The following AFF3 variants were observed in gnomAD, a reference collection of about 807,000 sequenced individuals.
The protein encoded by AFF3 is ALF transcription elongation factor 3.
A neutral mutation model predicts 129.7 loss-of-function variants in AFF3; 32 were observed. That is an observed-to-expected ratio of 0.25 (90% CI 0.19 to 0.33). The LOEUF (loss-of-function observed/expected upper bound fraction) is 0.33, where lower values mean the gene tolerates loss of function less well. Among genes scored for constraint, AFF3 ranks in the 10% least tolerant of loss-of-function variants. The pLI is 1.00. For missense variants in AFF3, 1,373 were observed against 1,592.0 expected, an observed-to-expected ratio of 0.86 and a Z score of 2.34; for synonymous variants, 644 against 635.4, an observed-to-expected ratio of 1.01 and a Z score of -0.20.
chr2:99,592,937 C>T (rs1211848104), intron 15 of AFF3, among the ~76,000 whole-genome samples: 1 of 88,432 alleles, frequency 1.1e-5, no homozygotes. Context: ...CTCCCTCCCC[C>T]CCCCCCAAAA....
intron 7 of AFF3, among the ~76,000 whole-genome samples, chr2:99,998,922 T>C (rs1681120454): frequency 3.3e-5 from 5 of 152,158 alleles, no homozygotes; most frequent in Admixed American, 3.3e-4. Context: ...TAAAACCTAG[T>C]TCATGTGGCA....
At chr2:99,809,489 A>T (rs555477025) in intron 8 of AFF3, among the ~76,000 whole-genome samples, 4 of 152,214 alleles carry the variant, frequency 2.6e-5, no homozygotes, top group Non-Finnish European at 4.4e-5. Flanking sequence ...AATAGATTCA[A>T]TGGGATTAGG....
At chr2:99,885,327 T>A (rs1169121494) in intron 7 of AFF3, among the ~76,000 whole-genome samples, 1 of 152,200 alleles carries the variant, frequency 6.6e-6, no homozygotes, top group African/African-American at 2.4e-5. Flanking sequence ...CCACACTGTC[T>A]TGCTTGATAT....
At chr2:99,980,186 G>A (rs1679275770) in intron 7 of AFF3, among the ~76,000 whole-genome samples, 1 of 152,114 alleles carries the variant, frequency 6.6e-6, no homozygotes, top group Non-Finnish European at 1.5e-5. Flanking sequence ...CATCAGTTGT[G>A]GAAACAAATA....
intron 12 of AFF3, among the ~76,000 whole-genome samples, chr2:99,656,974 C>T (rs1248437420): frequency 1.3e-5 from 2 of 152,102 alleles, no homozygotes; most frequent in African/African-American, 4.8e-5. Context: ...AAAGGGGATG[C>T]TAACCAGACT....
chr2:99,829,430 G>A (rs1378857641), intron 8 of AFF3, among the ~76,000 whole-genome samples: 3 of 152,038 alleles, frequency 2.0e-5, no homozygotes, highest in South Asian at 2.1e-4. Context: ...GAACTGAAAC[G>A]TATTTACAAG....
chr2:99,678,966 C>A (rs1404180), intron 11 of AFF3, among the ~76,000 whole-genome samples: 1 of 152,158 alleles, frequency 6.6e-6, no homozygotes. Context: ...AGCGTTTGTT[C>A]GGAAGAACTT....
At chr2:99,969,893 A>G (rs1386282742) in intron 7 of AFF3, among the ~76,000 whole-genome samples, 1 of 152,154 alleles carries the variant, frequency 6.6e-6, no homozygotes, top group Non-Finnish European at 1.5e-5. Context: ...TATCTTTTAT[A>G]ATTAGAACTT....
At chr2:99,565,658 C>T in intron 19 of AFF3, 35 bp from the exon 20 acceptor site, 2 of 1,588,434 alleles carry the variant, frequency 1.3e-6, no homozygotes, top group African/African-American at 1.3e-5. Context: ...TCTTCCTAAA[C>T]AATAGTTTTT....
intron 7 of AFF3, 25 bp downstream of exon 7, chr2:100,006,595 ATGCAGTTGCATG>A (rs1366742916): frequency 1.7e-5 from 26 of 1,561,632 alleles, no homozygotes; most frequent in Non-Finnish European, 2.2e-5. Context: ...ACTTGTAACT[ATGCAGTTGCATG>A]TGAACGGTGC....
At chr2:99,981,948 T>C (rs560411985) in intron 7 of AFF3, among the ~76,000 whole-genome samples, 2 of 152,320 alleles carry the variant, frequency 1.3e-5, no homozygotes, top group Admixed American at 1.3e-4. Context: ...AGCCCTGAAT[T>C]GTCAACTGTG....
At chr2:99,920,993 T>C (rs1019627750) in intron 7 of AFF3, among the ~76,000 whole-genome samples, 1 of 152,098 alleles carries the variant, frequency 6.6e-6, no homozygotes, top group Non-Finnish European at 1.5e-5. Context: ...AATACATAAA[T>C]GGAGGGATAT....
chr2:100,039,823 C>T (rs956232570), intron 4 of AFF3, among the ~76,000 whole-genome samples: 3 of 152,114 alleles, frequency 2.0e-5, no homozygotes, highest in Admixed American at 6.5e-5. Context: ...GATTGCCTGT[C>T]GCTTCCTCCT....
intron 8 of AFF3, among the ~76,000 whole-genome samples, chr2:99,803,399 G>C (rs766390145): frequency 1.2e-4 from 18 of 151,930 alleles, no homozygotes; most frequent in Non-Finnish European, 1.9e-4. Flanking sequence ...TCTCTACAAG[G>C]GGAGCTACAA....
At chr2:99,586,190 C>T (rs1678097329) in intron 16 of AFF3, among the ~76,000 whole-genome samples, 3 of 152,204 alleles carry the variant, frequency 2.0e-5, no homozygotes, top group Admixed American at 1.3e-4. Flanking sequence ...TTGGGGACTA[C>T]ATTTTCCCCA....
chr2:99,920,459 C>G (rs1695780771), intron 7 of AFF3, among the ~76,000 whole-genome samples: 1 of 152,040 alleles, frequency 6.6e-6, no homozygotes, highest in African/African-American at 2.4e-5. Flanking sequence ...AGGGAAAGCA[C>G]TGACACATCT....
intron 7 of AFF3, among the ~76,000 whole-genome samples, chr2:99,898,135 G>A (rs866976394): frequency 6.6e-6 from 1 of 152,138 alleles, no homozygotes; most frequent in Non-Finnish European, 1.5e-5. Flanking sequence ...CTTCCTTCCT[G>A]TTATTAACAA....
intron 12 of AFF3, among the ~76,000 whole-genome samples, chr2:99,653,581 C>T (rs548456019): frequency 1.3e-5 from 2 of 152,296 alleles, no homozygotes; most frequent in East Asian, 3.9e-4. Context: ...AATGGAGTGC[C>T]TAGGAATTGA....
intron 4 of AFF3, among the ~76,000 whole-genome samples, chr2:100,068,461 T>C (rs1687900302): frequency 6.6e-6 from 1 of 152,136 alleles, no homozygotes; most frequent in Non-Finnish European, 1.5e-5. Context: ...GAAGGGAGAT[T>C]TGAACTTGGC....
Sources: allele counts gnomAD v4.1 joint callset (sites outside exome capture counted in the v4.1 genomes callset), GRCh38; gene constraint gnomAD v4.1.1; transcripts MANE v1.5; gene names NCBI Gene and HGNC (gene_info 2026-07-23, HGNC 2026-07-21).